Variants in NPAS2 observed in about 807,000 individuals in gnomAD.
NPAS2 encodes the protein neuronal PAS domain-containing protein 2.
In NPAS2, 23 loss-of-function variants were observed where a neutral mutation model predicts 107.5. The ratio of observed to expected loss-of-function variants is 0.21; its 90% CI spans 0.15 to 0.30. The LOEUF (loss-of-function observed/expected upper bound fraction) is 0.30. Among genes scored for constraint, NPAS2 ranks in the 10% least tolerant of loss-of-function variants. The pLI is 1.00. For missense variants in NPAS2, 756 were observed against 1,043.3 expected, an observed-to-expected ratio of 0.72 and a Z score of 3.79; for synonymous variants, 403 against 417.5, an observed-to-expected ratio of 0.97 and a Z score of 0.42.
intron 2 of NPAS2, among the ~76,000 whole-genome samples, chr2:100,909,801 A>T (rs894709690): frequency 6.6e-6 from 1 of 151,944 alleles, no homozygotes; most frequent in Non-Finnish European, 1.5e-5. Context: ...GTAATAGGAC[A>T]TGCGATTCGT....
intron 1 of NPAS2, among the ~76,000 whole-genome samples, chr2:100,873,305 TATACACACACACACACACAC>T (rs1292375435): frequency 1.3e-4 from 5 of 38,266 alleles, no homozygotes; most frequent in African/African-American, 3.7e-4. Flanking sequence ...TATATATATA[TATACACACACACACACACAC>T]ACACACACAC....
At chr2:100,885,857 AGCCATGTTGGCCAG>A (rs1680666832) in intron 1 of NPAS2, among the ~76,000 whole-genome samples, 1 of 152,068 alleles carries the variant, frequency 6.6e-6, no homozygotes, top group Non-Finnish European at 1.5e-5. Context: ...GAGACAGCCT[AGCCATGTTGGCCAG>A]GCTGGCCTCA....
Position 100,925,274 on chromosome 2 carries a change from G to C in NPAS2, c.161G>C (p.Gly54Ala), listed in dbSNP as rs138995271. Residue 54 changes from glycine (G) to alanine (A), a missense_variant, in exon 3 of 21, where the codon GGA becomes GCA. Around this residue, in one of 4 missense-constraint regions of NPAS2, gnomAD observed 146 missense variants for 249.6 expected, o/e 0.58. Coordinates refer to ENST00000335681, the MANE Select transcript of NPAS2 (RefSeq NM_002518.4). ...DKTTVLEKVI[G>A]FLQKHNEVSA... ...ACCACCGTGTTGGAAAAGGTCATCG[G>C]ATTTTTGCAGAAACACAATGGTAAA... 1,593 of 1,614,076 alleles carry C rather than the reference G, an allele frequency of 9.9e-4. 5 individuals are homozygous for C. Among genetic ancestry groups the C allele is most frequent in the Non-Finnish European group, 8.1e-4 (956 of 1,179,994 alleles).
In NPAS2 at chr2:100,911,450, G is replaced by A. The variant is rs748244798; in HGVS notation, c.32+6664G>A. On this transcript the variant is annotated intron_variant, in intron 2 of 20. Transcript: ENST00000335681. ...AAGATTATTTATTTATTGAGACGGA[G>A]TTTTGCTCTTATTGCCCAGACTAGA... 3.3e-5 allele frequency among the ~76,000 whole-genome samples: 5 copies of A among 152,306 alleles called. No homozygotes were observed. In the South Asian group the frequency reaches 8.3e-4, roughly 25 times the overall value.
intron 5 of NPAS2, among the ~76,000 whole-genome samples, chr2:100,939,941 GACTCTGTATATAT>G (rs1573671487): frequency 6.6e-6 from 1 of 152,146 alleles, no homozygotes; most frequent in Non-Finnish European, 1.5e-5. Context: ...TGCAAACTAA[GACTCTGTATATAT>G]ATACCCATGC....
At chr2:100,887,540 T>G (rs1246442608) in intron 1 of NPAS2, among the ~76,000 whole-genome samples, 6 of 152,204 alleles carry the variant, frequency 3.9e-5, no homozygotes, top group Non-Finnish European at 8.8e-5. Flanking sequence ...GTGCAAATTA[T>G]CACTATAATG....
intron 1 of NPAS2, among the ~76,000 whole-genome samples, chr2:100,844,546 G>A (rs1454271092): frequency 1.3e-5 from 2 of 152,074 alleles, no homozygotes; most frequent in Non-Finnish European, 2.9e-5. Flanking sequence ...AAGGTGTAGG[G>A]TACCACACTG....
intron 19 of NPAS2, among the ~76,000 whole-genome samples, chr2:100,991,890 A>G (rs1678156845): frequency 6.6e-6 from 1 of 152,208 alleles, no homozygotes; most frequent in African/African-American, 2.4e-5. Flanking sequence ...TGAATCTTCA[A>G]AGTCCACCTT....
chr2:100,951,443 T>C (rs1229948954), intron 7 of NPAS2, among the ~76,000 whole-genome samples: 3 of 152,212 alleles, frequency 2.0e-5, no homozygotes, highest in Non-Finnish European at 4.4e-5. Flanking sequence ...CACGTGTCCA[T>C]CAGTGGATGA....
At position 100,869,811 on chromosome 2, in the gene NPAS2, G is replaced by T. The variant is rs1463814888; in HGVS notation, c.-22-34922G>T. On this transcript the variant is annotated intron_variant, in intron 1 of 20. Transcript: ENST00000335681. ...CAATATCAAAAAGGCTTGGGCCGGG[G>T]CTCCCCTCCTGTGAGCATGCTAGTT... Among the ~76,000 whole-genome samples, 4 of 151,846 alleles carry T rather than the reference G, an allele frequency of 2.6e-5. No homozygotes were observed. In the East Asian group the frequency reaches 7.7e-4, roughly 29 times the overall value.
chr2:100,819,516 C>T (rs770424301), upstream of NPAS2, among the ~76,000 whole-genome samples: 2 of 151,928 alleles, frequency 1.3e-5, no homozygotes, highest in Non-Finnish European at 2.9e-5. The surrounding 1 kb of genome is among the most constrained non-coding windows in gnomAD (Gnocchi z 5.8). Flanking sequence ...ATTGAGAAAT[C>T]GCAGTGGTCC....
intron 7 of NPAS2, 90 bp downstream of exon 7, chr2:100,949,570 G>A (rs1388624913): frequency 2.7e-6 from 2 of 744,398 alleles, no homozygotes; most frequent in Non-Finnish European, 4.7e-6. Flanking sequence ...GGGAGGAGGA[G>A]GGAGAACGCG....
intron 1 of NPAS2, among the ~76,000 whole-genome samples, chr2:100,865,616 C>A (rs1452438880): frequency 6.6e-6 from 1 of 152,094 alleles, no homozygotes; most frequent in African/African-American, 2.4e-5. Context: ...CACTCAGAAC[C>A]CTTGTTGAAA....
Position 100,968,178 on chromosome 2 carries a change from T to A in NPAS2, c.908-103T>A. 8.1e-7 allele frequency: 1 copy of A among 1,228,470 alleles called. No individual in the cohort carries two copies. The highest frequency in any genetic ancestry group is 1.2e-6 in the Non-Finnish European group (1 of 857,284). The allele number at this position is 1,228,470 out of a possible 1,614,324, so 76.1% of individuals were successfully genotyped here. A position where few individuals can be genotyped will look rare whatever the true frequency, so the allele number is the denominator to read the frequency against. On this transcript the variant is annotated intron_variant, in intron 10 of 20. Coordinates refer to ENST00000335681, the MANE Select transcript of NPAS2 (RefSeq NM_002518.4). The surrounding 1 kb of genome is among the most constrained non-coding windows in gnomAD (Gnocchi z 5.3). ...AACCGGGGAAACAAGCCATGTTTGG[T>A]ATTGTCTTTTTTTTTGAAAGCTTAT...
chr2:100,852,580 GC>G (rs1678271210), intron 1 of NPAS2, among the ~76,000 whole-genome samples: 1 of 152,140 alleles, frequency 6.6e-6, no homozygotes. Flanking sequence ...ACCCCATTTG[GC>G]CCCACAAACC....
chr2:100,827,200 C>T (rs1676443744), intron 1 of NPAS2, among the ~76,000 whole-genome samples: 1 of 152,086 alleles, frequency 6.6e-6, no homozygotes, highest in Non-Finnish European at 1.5e-5. Flanking sequence ...CCTTCCAGGC[C>T]TTTCTCAATC....
At chr2:100,858,714 TC>T (rs879539655) in intron 1 of NPAS2, among the ~76,000 whole-genome samples, 3 of 152,212 alleles carry the variant, frequency 2.0e-5, no homozygotes, top group African/African-American at 7.2e-5. Flanking sequence ...AATTAATTAC[TC>T]CCTACTTTAT....
At chr2:100,941,575 CAATAAT>C (rs1487242560) in intron 5 of NPAS2, among the ~76,000 whole-genome samples, 1 of 151,910 alleles carries the variant, frequency 6.6e-6, no homozygotes, top group Non-Finnish European at 1.5e-5. Flanking sequence ...AAAAAAATAA[CAATAAT>C]AATGAGAATT....
Position 100,995,749 on chromosome 2 carries a change from C to T in NPAS2, c.*167C>T. ...CATCTCTGGAGTGCAGCGCTTGCTG[C>T]AGTGGAAATGATCAGGAATACTGAC... On this transcript the variant is annotated 3_prime_UTR_variant, in exon 21 of 21. Coordinates refer to ENST00000335681, the MANE Select transcript of NPAS2 (RefSeq NM_002518.4). The T allele has an allele frequency of 6.5e-7, 1 of 1,549,630 alleles. No homozygotes were observed. Among genetic ancestry groups the T allele is most frequent in the African/African-American group, 1.4e-5 (1 of 73,174 alleles).
Sources: gnomAD v4.1 joint callset for allele counts (sites outside exome capture counted in the v4.1 genomes callset) on GRCh38, gnomAD v4.1.1 for gene constraint, gnomAD v4.1.1 regional missense constraint, Gnocchi (gnomAD v3.1) non-coding constraint, MANE v1.5 for transcripts, NCBI Gene and HGNC (gene_info 2026-07-23, HGNC 2026-07-21) for gene names.